GALNT13: variants seen among roughly 807,000 people sequenced by gnomAD.
GALNT13 encodes the protein polypeptide N-acetylgalactosaminyltransferase 13.
In GALNT13, 28 loss-of-function variants were observed where a neutral mutation model predicts 64.2. That is an observed-to-expected ratio of 0.44 (90% CI 0.32 to 0.60). The LOEUF is 0.60. Ranked by LOEUF, GALNT13 falls within the 20% of genes least tolerant of loss-of-function variation. The probability of loss-of-function intolerance (pLI) is 0.05; values close to 1 mark genes in which losing one functional copy is unlikely to be tolerated. For synonymous variants in GALNT13, 214 were observed against 224.6 expected (o/e 0.95, Z 0.42); for missense variants, 577 against 669.8 (o/e 0.86, Z 1.53).
At chr2:153,618,761 A>C in the GALNT13 span, among the ~76,000 whole-genome samples, 1 of 151,844 alleles carries the variant, frequency 6.6e-6, no homozygotes, top group Non-Finnish European at 1.5e-5. Flanking sequence ...CCCTTTTATT[A>C]TTGTATAATG....
At chr2:153,784,296 T>C in the GALNT13 span, among the ~76,000 whole-genome samples, 1 of 152,192 alleles carries the variant, frequency 6.6e-6, no homozygotes, top group Non-Finnish European at 1.5e-5. Flanking sequence ...AAGGTAGCTC[T>C]TGCTATGCTT....
the GALNT13 span, among the ~76,000 whole-genome samples, chr2:153,706,966 T>C: frequency 1.1e-4 from 17 of 152,300 alleles, no homozygotes; most frequent in African/African-American, 4.1e-4. Flanking sequence ...GGGAGGTAAT[T>C]GAATCATGGT....
the GALNT13 span, among the ~76,000 whole-genome samples, chr2:153,092,274 G>A: frequency 2.0e-5 from 3 of 152,108 alleles, no homozygotes; most frequent in Admixed American, 6.5e-5. Flanking sequence ...GTCAAGTAAT[G>A]TGATTTCCTC....
chr2:153,696,326 C>T, the GALNT13 span, among the ~76,000 whole-genome samples: 9 of 152,152 alleles, frequency 5.9e-5, no homozygotes, highest in Admixed American at 2.6e-4. Flanking sequence ...TCTTCTCCTG[C>T]CTGCTTTATT....
chr2:153,219,732 C>T, the GALNT13 span, among the ~76,000 whole-genome samples: 1 of 152,140 alleles, frequency 6.6e-6, no homozygotes, highest in Non-Finnish European at 1.5e-5. Context: ...TTCATCTGAA[C>T]CTTTTTAGCT....
chr2:153,471,003 A>C, the GALNT13 span, among the ~76,000 whole-genome samples: 1 of 152,158 alleles, frequency 6.6e-6, no homozygotes. Flanking sequence ...GTTCATCTTG[A>C]GTTTGAATAT....
chr2:154,128,432 T>C (rs1682418326), intron 3 of GALNT13, among the ~76,000 whole-genome samples: 1 of 152,138 alleles, frequency 6.6e-6, no homozygotes, highest in Non-Finnish European at 1.5e-5. Context: ...TTCCTTCTTA[T>C]GGTGTATTAT....
At chr2:153,800,045 G>GCTCTCTCTCTCT in the GALNT13 span, among the ~76,000 whole-genome samples, 777 of 118,966 alleles carry the variant, frequency 6.5e-3, 15 homozygotes, top group African/African-American at 7.9e-3. Context: ...CATTTAGTTT[G>GCTCTCTCTCTCT]CTCTCTCTCT....
the GALNT13 span, among the ~76,000 whole-genome samples, chr2:153,534,353 T>G: frequency 6.6e-6 from 1 of 152,188 alleles, no homozygotes; most frequent in Non-Finnish European, 1.5e-5. Context: ...GTCTCAGTTT[T>G]TTTTCATAGG....
chr2:153,254,840 G>C, the GALNT13 span, among the ~76,000 whole-genome samples: 4 of 152,254 alleles, frequency 2.6e-5, no homozygotes, highest in South Asian at 8.3e-4. Flanking sequence ...GAGACAGTTT[G>C]TTATAATTTC....
chr2:153,074,363 C>CA, the GALNT13 span, among the ~76,000 whole-genome samples: 1 of 152,110 alleles, frequency 6.6e-6, no homozygotes, highest in African/African-American at 2.4e-5. Flanking sequence ...AGGTGACTAA[C>CA]AAGATTCATT....
the GALNT13 span, among the ~76,000 whole-genome samples, chr2:153,403,315 C>T: frequency 4.0e-5 from 6 of 151,878 alleles, no homozygotes; most frequent in Middle Eastern, 3.4e-3. Flanking sequence ...GCTGGGAGAA[C>T]CACTGCTCTC....
In GALNT13 at chr2:154,147,504, T is replaced by G. The variant is rs187400007; in HGVS notation, c.311+6999T>G. ...GTATTTGGAACCAAGCTTTGTAAGA[T>G]GAATTTGTGTAGAATCAGGCTGACA... On this transcript the variant is annotated intron_variant, in intron 4 of 12. Transcript: ENST00000392825. Among the ~76,000 whole-genome samples, 609 of 151,676 alleles carry G rather than the reference T, an allele frequency of 4.0e-3. 7 individuals carry two copies. Among genetic ancestry groups the G allele is most frequent in the South Asian group, 0.012 (60 of 4,804 alleles).
the GALNT13 span, among the ~76,000 whole-genome samples, chr2:153,137,543 T>C: frequency 7.2e-5 from 11 of 152,056 alleles, no homozygotes; most frequent in Admixed American, 3.3e-4. Flanking sequence ...TGGAATTCAA[T>C]TGGGTTTGGG....
At chr2:153,740,643 T>C in the GALNT13 span, among the ~76,000 whole-genome samples, 2 of 152,126 alleles carry the variant, frequency 1.3e-5, no homozygotes, top group Non-Finnish European at 2.9e-5. Flanking sequence ...TTTGTCTGTT[T>C]CCTTTTTTTG....
chr2:153,923,788 G>T (rs887940268), intron 2 of GALNT13, among the ~76,000 whole-genome samples: 1 of 150,812 alleles, frequency 6.6e-6, no homozygotes, highest in Non-Finnish European at 1.5e-5. Flanking sequence ...AGAACATGCG[G>T]TGTTTGTTTT....
chr2:153,507,515 G>C, the GALNT13 span, among the ~76,000 whole-genome samples: 2 of 152,034 alleles, frequency 1.3e-5, no homozygotes, highest in Non-Finnish European at 2.9e-5. Context: ...TCCTGATCTC[G>C]TGATCCACTA....
the GALNT13 span, among the ~76,000 whole-genome samples, chr2:153,431,303 TC>T: frequency 2.6e-5 from 4 of 152,202 alleles, no homozygotes; most frequent in African/African-American, 9.7e-5. Context: ...CCAGATTTTT[TC>T]TGCTGAGCTC....
At chr2:153,568,739 A>C in the GALNT13 span, among the ~76,000 whole-genome samples, 1 of 152,214 alleles carries the variant, frequency 6.6e-6, no homozygotes, top group African/African-American at 2.4e-5. Context: ...GTTATTAAAA[A>C]AGGGAAGTGC....
Sources: gnomAD v4.1 joint callset for allele counts (sites outside exome capture counted in the v4.1 genomes callset) on GRCh38, gnomAD v4.1.1 for gene constraint, MANE v1.5 for transcripts, NCBI Gene and HGNC (gene_info 2026-07-23, HGNC 2026-07-21) for gene names.